CLMN: variants seen among roughly 807,000 people sequenced by gnomAD.
CLMN encodes calmin, also known as calmin (calponin-like, transmembrane).
CLMN carries 57 observed loss-of-function variants against 92.7 expected under a neutral mutation model. The ratio of observed to expected loss-of-function variants is 0.61; its 90% CI spans 0.50 to 0.77. The LOEUF is 0.77. Ranked by LOEUF, CLMN falls within the 30% of genes least tolerant of loss-of-function variation. The pLI, the probability that CLMN is intolerant of heterozygous loss-of-function variation, is 0.00. For missense variants in CLMN, 1,158 were observed against 1,237.5 expected, an observed-to-expected ratio of 0.94 and a Z score of 0.96; for synonymous variants, 466 against 470.6, an observed-to-expected ratio of 0.99 and a Z score of 0.13.
intron 1 of CLMN, among the ~76,000 whole-genome samples, chr14:95,317,235 G>A (rs1901822744): frequency 6.6e-6 from 1 of 152,172 alleles, no homozygotes; most frequent in Non-Finnish European, 1.5e-5. Context: ...GAGTACCACA[G>A]GAGCAAGGAG....
chr14:95,290,660 A>G (rs1275122502), intron 1 of CLMN, among the ~76,000 whole-genome samples: 3 of 152,234 alleles, frequency 2.0e-5, no homozygotes, highest in African/African-American at 7.2e-5. Flanking sequence ...AATTTAGCCC[A>G]GTGAGACTGC....
At chr14:95,309,841 C>T (rs1321633007) in intron 1 of CLMN, among the ~76,000 whole-genome samples, 2 of 152,246 alleles carry the variant, frequency 1.3e-5, no homozygotes, top group Non-Finnish European at 2.9e-5. Flanking sequence ...TATTTACTTG[C>T]GTATGAGATT....
chr14:95,313,808 G>T (rs1359689587), intron 1 of CLMN, among the ~76,000 whole-genome samples: 3 of 152,238 alleles, frequency 2.0e-5, no homozygotes, highest in Non-Finnish European at 2.9e-5. Context: ...CGGGCAGAGG[G>T]ACTTTGTCCA....
intron 1 of CLMN, among the ~76,000 whole-genome samples, chr14:95,230,552 C>T (rs571522428): frequency 1.3e-5 from 2 of 152,164 alleles, no homozygotes; most frequent in East Asian, 3.9e-4. Context: ...GGAGTGGAGC[C>T]GATAATTAGG....
In CLMN at chr14:95,312,655, A is replaced by C. The variant is rs547152244; in HGVS notation, c.82+7056T>G. 8.5e-5 allele frequency among the ~76,000 whole-genome samples: 13 copies of C among 152,128 alleles called. No individual in the cohort carries two copies. In the East Asian group the frequency reaches 2.5e-3, roughly 29 times the overall value. On this transcript the variant is annotated intron_variant, in intron 1 of 12. Coordinates refer to ENST00000298912, the MANE Select transcript of CLMN (RefSeq NM_024734.4). Reference sequence around the variant, plus strand: ...CAGCCTTCCAGGCCCCTATATTCACATACTGCTGCTGGAAAGAAGAGTGAT... The same window carrying C: ...CAGCCTTCCAGGCCCCTATATTCACCTACTGCTGCTGGAAAGAAGAGTGAT...
rs924681529 is a variant in CLMN, at chr14:95,230,630, CTG to C, written c.83-499_83-498del. Among the ~76,000 whole-genome samples, 56 of 152,316 alleles carry C rather than the reference CTG, an allele frequency of 3.7e-4. 1 individual carries two copies. Among genetic ancestry groups the C allele is most frequent in the Admixed American group, 3.2e-3 (49 of 15,306 alleles). On this transcript the variant is annotated intron_variant, in intron 1 of 12. Transcript: ENST00000298912. ...GGATTGGACAGCCCAAGATCAGACT[CTG>C]AGCCCTGTCATCTCCCAGCTTTGTG...
chr14:95,192,468 C>A (rs1260593994), intron 12 of CLMN: 2 of 152,154 alleles, frequency 1.3e-5, no homozygotes, highest in Non-Finnish European at 2.9e-5. Flanking sequence ...TGTAGAGAAG[C>A]CTGCAGTGTA....
At chr14:95,307,195 T>C (rs1901323269) in intron 1 of CLMN, among the ~76,000 whole-genome samples, 1 of 152,136 alleles carries the variant, frequency 6.6e-6, no homozygotes, top group South Asian at 2.1e-4. Flanking sequence ...AGCCAGTCAA[T>C]ACTAAAAACA....
intron 1 of CLMN, among the ~76,000 whole-genome samples, chr14:95,287,322 T>C (rs942106295): frequency 6.6e-6 from 1 of 152,206 alleles, no homozygotes; most frequent in East Asian, 1.9e-4. Context: ...CCAGGCTCCA[T>C]GGAGGCCACA....
chr14:95,262,476 G>A (rs1356165295), intron 1 of CLMN, among the ~76,000 whole-genome samples: 1 of 152,214 alleles, frequency 6.6e-6, no homozygotes, highest in Non-Finnish European at 1.5e-5. Context: ...CTTGTTATGT[G>A]TCAGGCAGGC....
chr14:95,288,340 A>C (rs928151911), intron 1 of CLMN, among the ~76,000 whole-genome samples: 4 of 152,222 alleles, frequency 2.6e-5, no homozygotes, highest in Non-Finnish European at 5.9e-5. Flanking sequence ...GGCTTTTGAA[A>C]GAGATAAGCC....
intron 1 of CLMN, among the ~76,000 whole-genome samples, chr14:95,292,050 T>C (rs1437638683): frequency 6.6e-6 from 1 of 152,260 alleles, no homozygotes; most frequent in Non-Finnish European, 1.5e-5. Context: ...CTGGCCTCAC[T>C]GCAAGCCCGA....
intron 1 of CLMN, among the ~76,000 whole-genome samples, chr14:95,284,872 G>A (rs1224843741): frequency 6.6e-6 from 1 of 152,182 alleles, no homozygotes; most frequent in African/African-American, 2.4e-5. Context: ...TTGGGGGACT[G>A]TTGGGAAGGC....
intron 1 of CLMN, among the ~76,000 whole-genome samples, chr14:95,288,625 A>G (rs960879564): frequency 1.3e-5 from 2 of 152,210 alleles, no homozygotes; most frequent in Admixed American, 1.3e-4. Context: ...CAGGCTGTAA[A>G]TTGGTGCCAC....
chr14:95,256,715 G>A lies in CLMN; in HGVS notation c.83-26582C>T, dbSNP rs1450152569. Among the ~76,000 whole-genome samples the A allele has an allele frequency of 1.3e-5, 2 of 152,232 alleles. No homozygotes were observed. Among genetic ancestry groups the A allele is most frequent in the African/African-American group, 4.8e-5 (2 of 41,452 alleles). On this transcript the variant is annotated intron_variant, in intron 1 of 12. Transcript: ENST00000298912. The surrounding 1 kb of genome is among the most constrained non-coding windows in gnomAD (Gnocchi z 4.9). ...CGAAACTGAACATGGCGTGTGTCTAGGCTGGGATGGGAGAGAAATTGCCAA... is the reference window on the plus strand; with the variant it reads ...CGAAACTGAACATGGCGTGTGTCTAAGCTGGGATGGGAGAGAAATTGCCAA...
rs572759705 is a variant in CLMN, at chr14:95,314,214, T to C, written c.82+5497A>G. The stretch of plus-strand genomic sequence containing the variant: ...TGCCCTGATGGCGGGCTGGCCACTA[T>C]ACCTCCCTAGGTACCTTCAACTTGA... On this transcript the variant is annotated intron_variant, in intron 1 of 12. Coordinates refer to ENST00000298912, the MANE Select transcript of CLMN (RefSeq NM_024734.4). Among the ~76,000 whole-genome samples, 3 of 152,338 alleles carry C rather than the reference T, an allele frequency of 2.0e-5. No homozygotes were observed. The East Asian group carries it at 5.8e-4, about 29-fold the overall frequency.
In CLMN at chr14:95,182,263, C is replaced by G. The variant is rs532457769; in HGVS notation, c.*9301G>C. ...ATTTTCCTCAATAGTTTTCTTAGAGCTCTCAGTAAAAACTTTCAGACATAG... is the reference window on the plus strand; with the variant it reads ...ATTTTCCTCAATAGTTTTCTTAGAGGTCTCAGTAAAAACTTTCAGACATAG... On this transcript the variant is annotated 3_prime_UTR_variant, in exon 13 of 13. Transcript: ENST00000298912. 2 of 152,174 alleles carry G rather than the reference C, an allele frequency of 1.3e-5. No homozygotes were observed. Among genetic ancestry groups the G allele is most frequent in the African/African-American group, 4.8e-5 (2 of 41,434 alleles). The allele number at this position is 152,174 out of a possible 1,614,324, so 9.4% of individuals were successfully genotyped here.
At chr14:95,288,407 AGT>A (rs1176143450) in intron 1 of CLMN, among the ~76,000 whole-genome samples, 1 of 152,224 alleles carries the variant, frequency 6.6e-6, no homozygotes, top group Non-Finnish European at 1.5e-5. Flanking sequence ...GGGAAGGAAC[AGT>A]GCGCTAGGCA....
At chr14:95,261,742 C>T (rs1207294862) in intron 1 of CLMN, among the ~76,000 whole-genome samples, 1 of 152,216 alleles carries the variant, frequency 6.6e-6, no homozygotes, top group African/African-American at 2.4e-5. Context: ...CCAAGATGCC[C>T]ACAGGTCCAC....
Sources: allele counts gnomAD v4.1 joint callset (sites outside exome capture counted in the v4.1 genomes callset), GRCh38; gene constraint gnomAD v4.1.1; non-coding constraint Gnocchi (gnomAD v3.1); transcripts MANE v1.5; gene names NCBI Gene and HGNC (gene_info 2026-07-23, HGNC 2026-07-21).